CEP68: variants seen among roughly 807,000 people sequenced by gnomAD.
The protein encoded by CEP68 is centrosomal protein 68.
A neutral mutation model predicts 55.3 loss-of-function variants in CEP68; 26 were observed. The observed-to-expected ratio is 0.47, with a 90% CI of 0.34 to 0.65. The LOEUF is 0.65. CEP68 is among the 30% of genes least tolerant of loss of function. The pLI is 0.01. For missense variants in CEP68, 957 were observed against 946.7 expected (o/e 1.01, Z -0.14); for synonymous variants, 402 against 383.2 (o/e 1.05, Z -0.57).
At chr2:65,069,309 AAT>A (rs1340121062) in intron 1 of CEP68, 88 bp from the exon 2 acceptor site, 5 of 719,684 alleles carry the variant, frequency 6.9e-6, no homozygotes, top group Admixed American at 2.6e-5. Flanking sequence ...TTTGACCAAA[AAT>A]ATGTTTGCCT....
At chr2:65,062,020 G>A (rs777897420) in intron 1 of CEP68, among the ~76,000 whole-genome samples, 1 of 152,218 alleles carries the variant, frequency 6.6e-6, no homozygotes, top group Non-Finnish European at 1.5e-5. Context: ...TTCTGCCACT[G>A]TGTGTTCATG....
At chr2:65,070,729 AT>A (rs1403794147) in intron 2 of CEP68, 1 of 152,072 alleles carries the variant, frequency 6.6e-6, no homozygotes, top group African/African-American at 2.4e-5. Flanking sequence ...GGTGCTTATT[AT>A]TAGAATTCCT....
At position 65,056,478 on chromosome 2, in the gene CEP68, A is replaced by G. The variant is rs944058658; in HGVS notation, c.-97A>G. ...GGGTCCGCCAGCTCGGGGCCAGCGCATGGGGCTGCTGAGACCGCTCCGGAC... is the reference window on the plus strand; with the variant it reads ...GGGTCCGCCAGCTCGGGGCCAGCGCGTGGGGCTGCTGAGACCGCTCCGGAC... On this transcript the variant is annotated 5_prime_UTR_variant, in exon 1 of 7. It removes an upstream start codon present in the reference 5' UTR. Transcript: ENST00000377990. 3.3e-5 allele frequency: 5 copies of G among 152,474 alleles called. No homozygotes were observed. The highest frequency in any genetic ancestry group is 5.9e-5 in the Non-Finnish European group (4 of 68,286). The allele number at this position is 152,474 out of a possible 1,614,324, so 9.4% of individuals were successfully genotyped here.
At chr2:65,056,709 C>T (rs1317646348) in intron 1 of CEP68, among the ~76,000 whole-genome samples, 181 bp downstream of exon 1, 2 of 151,956 alleles carry the variant, frequency 1.3e-5, no homozygotes, top group African/African-American at 4.8e-5. Context: ...ACAAAGGCTC[C>T]CTGGGGGGCG....
rs1668958584 is a variant in CEP68 at position 65,084,233 on chromosome 2, G to A, written c.*599G>A. The stretch of plus-strand genomic sequence containing the variant: ...TTATGACACCTTTTGCCATCTTCAG[G>A]GCTTACGTCTTTACTTTCTTGGCTA... On this transcript the variant is annotated 3_prime_UTR_variant, in exon 7 of 7. Transcript: ENST00000377990. 6.6e-6 allele frequency: 1 copy of A among 152,006 alleles called. No individual in the cohort carries two copies. The highest frequency in any genetic ancestry group is 1.5e-5 in the Non-Finnish European group (1 of 67,948). The allele number at this position is 152,006 out of a possible 1,614,324, so 9.4% of individuals were successfully genotyped here.
Position 65,072,111 on chromosome 2 carries a change from TTC to T in CEP68, c.1019_1020del (p.Ser340CysfsTer12), listed in dbSNP as rs766034931. 1.2e-6 allele frequency: 2 copies of T among 1,614,012 alleles called. No individual in the cohort carries two copies. The highest frequency in any genetic ancestry group is 1.7e-6 in the Non-Finnish European group (2 of 1,180,006). ...GGACTCCGGGGTAGACCTGGATAGCTTCTCTGTCTCTCCAGCAAGCACCCTCA... is the reference window on the plus strand; with the variant it reads ...GGACTCCGGGGTAGACCTGGATAGCTTCTGTCTCTCCAGCAAGCACCCTCA... The part of the protein sequence containing the change: ...LQDSGVDLDS[F>X]SVSPASTLKS... On this transcript the variant is annotated frameshift_variant, in exon 3 of 7. Coordinates refer to ENST00000377990, the MANE Select transcript of CEP68 (RefSeq NM_015147.3). LOFTEE classifies it high-confidence loss of function.
At chr2:65,073,307 G>C (rs1470019145) in intron 3 of CEP68, 1 of 388,262 alleles carries the variant, frequency 2.6e-6, no homozygotes, top group Non-Finnish European at 4.9e-6. Context: ...TAACTCAGAG[G>C]TATTCTGAAC....
Position 65,069,710 on chromosome 2 carries a change from A to G in CEP68, c.266A>G (p.Glu89Gly). ...HQPQASDANR[E>G]PVAERSEPAL... ...CCACAGGCCAGTGATGCCAACAGAGAGCCCGTAGCTGAGAGGTCTGAGCCT... is the reference window on the plus strand; with the variant it reads ...CCACAGGCCAGTGATGCCAACAGAGGGCCCGTAGCTGAGAGGTCTGAGCCT... Residue 89 changes from glutamate to glycine, a missense_variant, in exon 2 of 7, where the codon GAG becomes GGG. Transcript: ENST00000377990. 6.2e-7 allele frequency: 1 copy of G among 1,614,080 alleles called. No homozygotes were observed. The highest frequency in any genetic ancestry group is 8.5e-7 in the Non-Finnish European group (1 of 1,180,022).
rs780974829 is a variant in CEP68 at position 65,071,961 on chromosome 2, C to T, written c.865C>T (p.His289Tyr). ...TTCCCTGCCTCCATCACCCGACCGC[C>T]ACTCCCCTCTCTGGAACCCAAATAA... ...PDSLPPSPDR[H>Y]SPLWNPNKEY... is the part of the protein sequence containing the mutation. Residue 289 changes from histidine to tyrosine, a missense_variant, in exon 3 of 7, where the codon CAC (histidine) becomes TAC (tyrosine). Coordinates refer to ENST00000377990, the MANE Select transcript of CEP68 (RefSeq NM_015147.3). 3.7e-6 allele frequency: 6 copies of T among 1,612,958 alleles called. No individual in the cohort carries two copies. Among genetic ancestry groups the T allele is most frequent in the Admixed American group, 1.7e-5 (1 of 59,982 alleles).
intron 1 of CEP68, among the ~76,000 whole-genome samples, chr2:65,058,497 CTT>C (rs34477880): frequency 0.027 from 2,075 of 75,492 alleles, 41 homozygotes; most frequent in African/African-American, 0.11. Context: ...GATTTTTTTC[CTT>C]TTTTTTTTTT....
chr2:65,079,072 T>C (rs1676892749), intron 5 of CEP68, among the ~76,000 whole-genome samples: 1 of 152,312 alleles, frequency 6.6e-6, no homozygotes, highest in African/African-American at 2.4e-5. Context: ...GTAAATCAAG[T>C]GCTGACAGCC....
intron 4 of CEP68, 94 bp downstream of exon 4, chr2:65,074,498 T>G: frequency 6.4e-7 from 1 of 1,556,252 alleles, no homozygotes; most frequent in Non-Finnish European, 8.9e-7. Flanking sequence ...CAATGTCTGG[T>G]ATGTTATAGC....
intron 1 of CEP68, among the ~76,000 whole-genome samples, chr2:65,065,107 G>A (rs1416204638): frequency 1.3e-5 from 2 of 152,230 alleles, no homozygotes; most frequent in Non-Finnish European, 2.9e-5. Context: ...CATCTGTGAC[G>A]TGAGGATTAA....
chr2:65,075,662 C>T (rs1295083279), intron 4 of CEP68, among the ~76,000 whole-genome samples: 7 of 152,140 alleles, frequency 4.6e-5, no homozygotes, highest in South Asian at 2.1e-4. Flanking sequence ...CTAAGTCTAA[C>T]GTTAACCTTG....
chr2:65,081,098 C>T (rs7597073), intron 5 of CEP68, among the ~76,000 whole-genome samples: 9 of 151,682 alleles, frequency 5.9e-5, no homozygotes, highest in Non-Finnish European at 1.3e-4. Flanking sequence ...GTAATTCCAA[C>T]TACTGGGGAG....
chr2:65,064,826 C>T (rs1422085668), intron 1 of CEP68, among the ~76,000 whole-genome samples: 5 of 151,864 alleles, frequency 3.3e-5, no homozygotes, highest in African/African-American at 4.8e-5. Context: ...AGCTCACGGG[C>T]GCAGCTGTTC....
At position 65,072,891 on chromosome 2, in the gene CEP68, C is replaced by T. The variant is rs527765164; in HGVS notation, c.1795C>T (p.Arg599Trp). 66 of 1,614,156 alleles carry T rather than the reference C, an allele frequency of 4.1e-5. No homozygotes were observed. Among genetic ancestry groups the T allele is most frequent in the South Asian group, 3.3e-4 (30 of 91,074 alleles). The change falls in exon 3 of 7, where the codon CGG (arginine) becomes TGG (tryptophan). Residue 599 changes from arginine (R) to tryptophan (W), a missense_variant. Coordinates refer to ENST00000377990, the MANE Select transcript of CEP68 (RefSeq NM_015147.3). ...CCCCTCCTTGCCAGCTAGGTTGGAC[C>T]GGTGGCCATTCTCAGACCCAGATGT... ...TRPSLPARLD[R>W]WPFSDPDVEG...
chr2:65,078,828 G>T (rs1456049620), intron 5 of CEP68, among the ~76,000 whole-genome samples: 1 of 152,240 alleles, frequency 6.6e-6, no homozygotes, highest in Admixed American at 6.5e-5. Context: ...ACAGGCGTGA[G>T]CCACTGCACC....
intron 1 of CEP68, among the ~76,000 whole-genome samples, chr2:65,068,129 C>T (rs1164558909): frequency 1.3e-5 from 2 of 152,170 alleles, no homozygotes; most frequent in Non-Finnish European, 2.9e-5. Context: ...CAGTGCACTC[C>T]GGGTGGCTGC....
Sources: gnomAD v4.1 joint callset for allele counts (sites outside exome capture counted in the v4.1 genomes callset) on GRCh38, gnomAD v4.1.1 for gene constraint, MANE v1.5 for transcripts, NCBI Gene and HGNC (gene_info 2026-07-23, HGNC 2026-07-21) for gene names.